CCNB1IP1: variants seen among roughly 807,000 people sequenced by gnomAD.
The protein encoded by CCNB1IP1 is E3 ubiquitin-protein ligase CCNB1IP1.
Under a neutral mutation model 25.6 loss-of-function variants are expected in CCNB1IP1, and 14 were observed. The observed-to-expected ratio is 0.55, with a 90% CI of 0.36 to 0.85. The LOEUF is 0.85. Among genes scored for constraint, CCNB1IP1 ranks in the 40% least tolerant of loss-of-function variants. The pLI, the probability that CCNB1IP1 is intolerant of heterozygous loss-of-function variation, is 0.01. For missense variants in CCNB1IP1, 278 were observed against 342.4 expected (o/e 0.81, Z 1.48); for synonymous variants, 119 against 116.1 (o/e 1.02, Z -0.16).
chr14:20,315,621 A>G (rs1882665618), intron 5 of CCNB1IP1: 1 of 1,286,300 alleles, frequency 7.8e-7, no homozygotes, highest in Non-Finnish European at 1.0e-6. Flanking sequence ...AGGAAATACT[A>G]AAAGTAGAAA....
At chr14:20,319,957 T>C (rs1252718159) in intron 4 of CCNB1IP1, among the ~76,000 whole-genome samples, 1 of 152,256 alleles carries the variant, frequency 6.6e-6, no homozygotes, top group Non-Finnish European at 1.5e-5. Context: ...GACAGCGAAA[T>C]GGTATCTCAG....
At chr14:20,311,955 A>G (rs75776982) in intron 6 of CCNB1IP1, among the ~76,000 whole-genome samples, 9,715 of 152,230 alleles carry the variant, frequency 0.064, 451 homozygotes, top group East Asian at 0.14. Context: ...TAGAAAAAAT[A>G]TAACTGAAAT....
At chr14:20,330,266 T>C (rs1245162729) in intron 1 of CCNB1IP1, among the ~76,000 whole-genome samples, 1 of 152,128 alleles carries the variant, frequency 6.6e-6, no homozygotes, top group Non-Finnish European at 1.5e-5. Context: ...AGCTAAATCT[T>C]GCGTAGGGAG....
chr14:20,316,549 C>G lies in CCNB1IP1; in HGVS notation c.-26G>C. The G allele has an allele frequency of 6.3e-7, 1 of 1,582,198 alleles. No homozygotes were observed. Among genetic ancestry groups the G allele is most frequent in the East Asian group, 2.3e-5 (1 of 44,368 alleles). The stretch of plus-strand genomic sequence containing the variant: ...AATAGGATAGTGAGGTCTCCAGAAG[C>G]TGAAGAGAGGCCTAAGAAGGGGTAA... On this transcript the variant is annotated 5_prime_UTR_variant, in exon 5 of 7. Transcript: ENST00000358932.
intron 5 of CCNB1IP1, among the ~76,000 whole-genome samples, chr14:20,314,964 G>A (rs1379405789): frequency 1.6e-4 from 24 of 149,864 alleles, no homozygotes; most frequent in Non-Finnish European, 2.1e-4. Flanking sequence ...GGTGGCGGGC[G>A]CCTGTAGTCC....
intron 4 of CCNB1IP1, among the ~76,000 whole-genome samples, chr14:20,320,096 G>T (rs1315261864): frequency 1.3e-5 from 2 of 152,238 alleles, no homozygotes; most frequent in Admixed American, 1.3e-4. Flanking sequence ...GATTTATATG[G>T]AGTCATTTAA....
intron 6 of CCNB1IP1, 129 bp downstream of exon 6, chr14:20,313,339 A>T (rs1882564909): frequency 1.5e-6 from 1 of 647,930 alleles, no homozygotes; most frequent in Admixed American, 3.1e-5. Flanking sequence ...TGGGTGAAGA[A>T]TTCAGAGCCT....
intron 4 of CCNB1IP1, chr14:20,317,951 G>A (rs1882767786): frequency 6.6e-6 from 1 of 152,262 alleles, no homozygotes. Flanking sequence ...GCCAGGCTGA[G>A]GGAGTTGCGG....
chr14:20,319,335 A>G (rs1419789743), intron 4 of CCNB1IP1, among the ~76,000 whole-genome samples: 4 of 152,222 alleles, frequency 2.6e-5, no homozygotes, highest in Admixed American at 1.3e-4. Flanking sequence ...TTTGGTATAA[A>G]CCAGTTCCAA....
chr14:20,312,833 C>T (rs555452298), intron 6 of CCNB1IP1, among the ~76,000 whole-genome samples: 1 of 151,042 alleles, frequency 6.6e-6, no homozygotes, highest in East Asian at 1.9e-4. Context: ...AGGATCATAC[C>T]TAACAAGCTG....
At chr14:20,332,564 C>T (rs1883284775) in intron 1 of CCNB1IP1, among the ~76,000 whole-genome samples, 1 of 152,176 alleles carries the variant, frequency 6.6e-6, no homozygotes, top group African/African-American at 2.4e-5. Flanking sequence ...CACTGCTTCT[C>T]CCAAGGTCAC....
At chr14:20,311,801 T>C (rs747945503) in intron 6 of CCNB1IP1, 49 bp from the exon 7 acceptor site, 7 of 1,218,858 alleles carry the variant, frequency 5.7e-6, no homozygotes, top group Non-Finnish European at 7.2e-6. Flanking sequence ...TTGTTATCTA[T>C]ATAATCTACT....
rs1467326460 is a variant in CCNB1IP1, at chr14:20,313,722, G to C, written c.377C>G (p.Thr126Ser). 6.2e-7 allele frequency: 1 copy of C among 1,613,800 alleles called. No individual in the cohort carries two copies. Among genetic ancestry groups the C allele is most frequent in the Admixed American group, 1.7e-5 (1 of 59,958 alleles). The change falls in exon 6 of 7, where the codon ACT (threonine) becomes AGT (serine). Residue 126 changes from threonine (T) to serine (S), a missense_variant. Physicochemically the swap from Thr to Ser is moderately conservative, Grantham distance 58. Coordinates refer to ENST00000358932, the MANE Select transcript of CCNB1IP1 (RefSeq NM_021178.5). Reference sequence around the variant, plus strand: ...TACATCCTTGCTTTGTATTTGCTGAGTATATATCTTCTCCATCTGTTTCAG... The same window carrying C: ...TACATCCTTGCTTTGTATTTGCTGACTATATATCTTCTCCATCTGTTTCAG... ...GHLKQMEKIYTQQIQSKDVEL... is the reference protein window; with the variant it reads ...GHLKQMEKIYSQQIQSKDVEL...
rs59034398 is a variant in CCNB1IP1, at chr14:20,332,026, A to ATATTTTTT, written c.-431+1227_-431+1228insAAAAAATA. ...TATACATATATATATATATATATATATTTTTTTTTTTTTTTTTTTTTTTTT... is the reference window on the plus strand; with the variant it reads ...TATACATATATATATATATATATATATATTTTTTTTTTTTTTTTTTTTTTTTTTTTTTT... On this transcript the variant is annotated intron_variant, in intron 1 of 6. Coordinates refer to ENST00000358932, the MANE Select transcript of CCNB1IP1 (RefSeq NM_021178.5). Among the ~76,000 whole-genome samples, 22 of 40,742 alleles carry ATATTTTTT rather than the reference A, an allele frequency of 5.4e-4. 1 individual carries two copies. Among genetic ancestry groups the ATATTTTTT allele is most frequent in the East Asian group, 4.3e-3 (5 of 1,160 alleles). The allele number at this position is 40,742 out of a possible 152,430, so 26.7% of individuals were successfully genotyped here.
intron 4 of CCNB1IP1, among the ~76,000 whole-genome samples, chr14:20,319,805 TA>T (rs1324294838): frequency 3.3e-5 from 5 of 152,210 alleles, no homozygotes; most frequent in African/African-American, 1.2e-4. Context: ...TCAAATCAAC[TA>T]AATGTTGCCA....
intron 4 of CCNB1IP1, among the ~76,000 whole-genome samples, chr14:20,324,936 A>G (rs1221994011): frequency 2.0e-5 from 3 of 152,014 alleles, no homozygotes; most frequent in African/African-American, 7.2e-5. Flanking sequence ...CAGCCTCCTG[A>G]GTAGCTGGGA....
rs1181439075 is a variant in CCNB1IP1 at position 20,314,863 on chromosome 14, G to A, written c.298-1062C>T. Among the ~76,000 whole-genome samples the A allele has an allele frequency of 3.1e-4, 47 of 151,680 alleles. 1 individual carries two copies. In the East Asian group the frequency reaches 7.7e-3, roughly 25 times the overall value. On this transcript the variant is annotated intron_variant, in intron 5 of 6. Coordinates refer to ENST00000358932, the MANE Select transcript of CCNB1IP1 (RefSeq NM_021178.5). Reference sequence around the variant, plus strand: ...TCCCAGCACTTTGGGAGGCAGAGGTGGGCGGATCATGAGGTCAGGAGATCG... The same window carrying A: ...TCCCAGCACTTTGGGAGGCAGAGGTAGGCGGATCATGAGGTCAGGAGATCG...
Position 20,313,667 on chromosome 14 carries a change from G to C in CCNB1IP1, c.432C>G (p.Thr144=). 4 of 1,614,166 alleles carry C rather than the reference G, an allele frequency of 2.5e-6. No individual in the cohort carries two copies. Among genetic ancestry groups the C allele is most frequent in the Non-Finnish European group, 3.4e-6 (4 of 1,180,034 alleles). The change falls in exon 6 of 7, where the codon ACC becomes ACG. Residue 144 remains threonine, a synonymous_variant. Transcript: ENST00000358932. ...ATTCTTCTAGTACTTTCTTCATGGA[G>C]GTAACCTCCCCTTTCATAGAGGTCA... is the stretch of plus-strand genomic sequence containing the variant. ...VELTSMKGEV[T]SMKKVLEEYK...
intron 1 of CCNB1IP1, among the ~76,000 whole-genome samples, chr14:20,331,686 C>T (rs1836740223): frequency 1.3e-5 from 2 of 151,376 alleles, no homozygotes. Flanking sequence ...ACCATTATAC[C>T]CTGAAAACCT....
Sources: allele counts gnomAD v4.1 joint callset (sites outside exome capture counted in the v4.1 genomes callset), GRCh38; gene constraint gnomAD v4.1.1; transcripts MANE v1.5; gene names NCBI Gene and HGNC (gene_info 2026-07-23, HGNC 2026-07-21).